Variants in IL33 observed in about 807,000 individuals in gnomAD.
IL33 encodes the protein interleukin-33.
IL33 carries 37 observed loss-of-function variants against 27.3 expected under a neutral mutation model. The observed-to-expected ratio is 1.36, with a 90% CI of 1.04 to 1.78. The LOEUF is 1.78. Ranked by LOEUF, IL33 falls within the 40% of genes most tolerant of loss-of-function variation. The probability of loss-of-function intolerance (pLI) is 0.00; values close to 1 mark genes in which losing one functional copy is unlikely to be tolerated. For synonymous variants in IL33, 132 were observed against 102.9 expected, an observed-to-expected ratio of 1.28 and a Z score of -1.71; for missense variants, 406 against 311.4, an observed-to-expected ratio of 1.30 and a Z score of -2.29.
At chr9:6,234,131 G>A (rs7033258) in intron 1 of IL33, among the ~76,000 whole-genome samples, 94,429 of 152,008 alleles carry the variant, frequency 0.62, 30,478 homozygotes, top group Middle Eastern at 0.73. Flanking sequence ...ATATTCCAGA[G>A]TTTCATCTTC....
chr9:6,227,735 C>G (rs1818706929), intron 1 of IL33, among the ~76,000 whole-genome samples: 1 of 152,166 alleles, frequency 6.6e-6, no homozygotes, highest in Admixed American at 6.5e-5. Flanking sequence ...GAGCCTCAGT[C>G]TATCACCCTC....
At chr9:6,228,843 A>G (rs1436105558) in intron 1 of IL33, among the ~76,000 whole-genome samples, 1 of 100,160 alleles carries the variant, frequency 1.0e-5, no homozygotes, top group African/African-American at 3.9e-5. Context: ...CAAAACACTG[A>G]CTCAAAAAAA....
At chr9:6,242,729 G>T (rs1316965373) in intron 2 of IL33, 2 of 152,190 alleles carry the variant, frequency 1.3e-5, no homozygotes, top group African/African-American at 4.8e-5. Context: ...GATCTTTCGT[G>T]GCAAAGTTAT....
intron 1 of IL33, among the ~76,000 whole-genome samples, chr9:6,227,422 GTTT>G (rs1401814927): frequency 1.3e-5 from 2 of 152,114 alleles, no homozygotes; most frequent in East Asian, 3.8e-4. Flanking sequence ...CATTTTGGTT[GTTT>G]TTATCAGGAG....
At position 6,256,520 on chromosome 9, in the gene IL33, T is replaced by TA. The variant is rs1816741918; in HGVS notation, c.*354dup. 2.5e-6 allele frequency: 1 copy of TA among 392,226 alleles called. No homozygotes were observed. The highest frequency in any genetic ancestry group is 4.3e-5 in the Admixed American group (1 of 23,308). The allele number at this position is 392,226 out of a possible 1,614,324, so 24.3% of individuals were successfully genotyped here. A position where few individuals can be genotyped will look rare whatever the true frequency, so the allele number is the denominator to read the frequency against. Reference sequence around the variant, plus strand: ...GGCCACTGAGGAAAGAGCCATAGCTTAAGTCTCTATGTAGACAGGGATCCA... The same window carrying TA: ...GGCCACTGAGGAAAGAGCCATAGCTTAAAGTCTCTATGTAGACAGGGATCCA... On this transcript the variant is annotated 3_prime_UTR_variant, in exon 8 of 8. Coordinates refer to ENST00000682010, the MANE Select transcript of IL33 (RefSeq NM_033439.4).
intron 6 of IL33, 33 bp downstream of exon 6, chr9:6,253,635 G>T: frequency 6.5e-7 from 1 of 1,539,968 alleles, no homozygotes; most frequent in Non-Finnish European, 8.9e-7. Context: ...TGTAGTGCTT[G>T]AATTCTTAAG....
Position 6,250,561 on chromosome 9 carries a change from T to C in IL33, c.179T>C (p.Phe60Ser). ...ATGATAAAAAAGGAGGCCTGTTACT[T>C]TAGGAGAGAAACCACCAAAAGGCCT... ...GLMIKKEACY[F>S]RRETTKRPSL... The change falls in exon 3 of 8, where the codon TTT becomes TCT. Residue 60 changes from phenylalanine to serine, a missense_variant. Physicochemically the swap from Phe to Ser is radical, Grantham distance 155 (BLOSUM62 -2). Coordinates refer to ENST00000682010, the MANE Select transcript of IL33 (RefSeq NM_033439.4). The C allele has an allele frequency of 1.2e-6, 2 of 1,614,010 alleles. No homozygotes were observed. Among genetic ancestry groups the C allele is most frequent in the Middle Eastern group, 1.7e-4 (1 of 6,058 alleles).
At chr9:6,237,252 A>G (rs1819273265) in intron 1 of IL33, among the ~76,000 whole-genome samples, 1 of 152,242 alleles carries the variant, frequency 6.6e-6, no homozygotes, top group African/African-American at 2.4e-5. Context: ...TATTTCTGAT[A>G]TAAAAATAGG....
intron 1 of IL33, among the ~76,000 whole-genome samples, chr9:6,229,748 A>C (rs1467105542): frequency 6.6e-6 from 1 of 152,232 alleles, no homozygotes; most frequent in African/African-American, 2.4e-5. Context: ...TGGGGAAATA[A>C]AGATGACTAA....
intron 4 of IL33, 114 bp from the exon 5 acceptor site, chr9:6,252,752 A>C: frequency 8.1e-7 from 1 of 1,240,832 alleles, no homozygotes; most frequent in Non-Finnish European, 1.2e-6. Flanking sequence ...TAATCTAGCC[A>C]ACAGTGACAT....
intron 4 of IL33, among the ~76,000 whole-genome samples, chr9:6,252,055 A>AC (rs1491431122): frequency 5.5e-5 from 1 of 18,156 alleles, no homozygotes; most frequent in African/African-American, 1.2e-4. Flanking sequence ...AAACAAACAA[A>AC]CAAAAAAAAA....
chr9:6,217,140 G>A (rs747643472), intron 1 of IL33, among the ~76,000 whole-genome samples: 1 of 152,120 alleles, frequency 6.6e-6, no homozygotes, highest in Non-Finnish European at 1.5e-5. Context: ...ATTTCTGGGT[G>A]GGAGCCACAG....
At chr9:6,254,587 A>ATGC in intron 7 of IL33, 34 bp downstream of exon 7, 1 of 1,273,718 alleles carries the variant, frequency 7.9e-7, no homozygotes, top group Non-Finnish European at 1.1e-6. Context: ...ATCTATATAT[A>ATGC]TGATTACAGA....
At chr9:6,242,211 G>C (rs551848946) in intron 2 of IL33, 1 of 152,534 alleles carries the variant, frequency 6.6e-6, no homozygotes, top group Non-Finnish European at 1.5e-5. Flanking sequence ...CTTAACTTGC[G>C]ACTACTGATG....
In IL33 at chr9:6,256,242, G is replaced by T; in HGVS notation, c.*74G>T. ...GGAGAAGGAATGAGAGATAAAGAAA[G>T]AGACAGGTGACATCTAAGGGAAATG... On this transcript the variant is annotated 3_prime_UTR_variant, in exon 8 of 8. Coordinates refer to ENST00000682010, the MANE Select transcript of IL33 (RefSeq NM_033439.4). 1 of 1,066,914 alleles carries T rather than the reference G, an allele frequency of 9.4e-7. No homozygotes were observed. Among genetic ancestry groups the T allele is most frequent in the Non-Finnish European group, 1.4e-6 (1 of 700,762 alleles). 66.1% of individuals were successfully genotyped at this position (1,066,914 alleles called of 1,614,324 possible).
chr9:6,225,549 T>C (rs1818589358), intron 1 of IL33, among the ~76,000 whole-genome samples: 1 of 152,184 alleles, frequency 6.6e-6, no homozygotes, highest in African/African-American at 2.4e-5. Context: ...CTGCAGTTTT[T>C]AATAATGCTC....
chr9:6,254,579 CT>C, intron 7 of IL33, 26 bp downstream of exon 7: 1 of 1,331,866 alleles, frequency 7.5e-7, no homozygotes. Context: ...TTATCTATAT[CT>C]ATATATATGA....
intron 1 of IL33, among the ~76,000 whole-genome samples, chr9:6,236,928 G>A (rs1819246482): frequency 2.0e-5 from 3 of 152,120 alleles, no homozygotes; most frequent in Admixed American, 2.0e-4. Flanking sequence ...CTCTGTTTAG[G>A]ATCTGACGGT....
intron 1 of IL33, among the ~76,000 whole-genome samples, chr9:6,237,214 G>T (rs1162098655): frequency 2.0e-5 from 3 of 152,140 alleles, no homozygotes; most frequent in African/African-American, 7.2e-5. Context: ...AAGAACAAGT[G>T]ATGTTCCTAT....
Sources: gnomAD v4.1 joint callset for allele counts (sites outside exome capture counted in the v4.1 genomes callset) on GRCh38, gnomAD v4.1.1 for gene constraint, MANE v1.5 for transcripts, NCBI Gene and HGNC (gene_info 2026-07-23, HGNC 2026-07-21) for gene names.